The following PDE1C variants were observed in gnomAD, a reference collection of about 807,000 sequenced individuals.
The protein encoded by PDE1C is phosphodiesterase 1C.
A neutral mutation model predicts 93.1 loss-of-function variants in PDE1C; 62 were observed. The ratio of observed to expected loss-of-function variants is 0.67; its 90% CI spans 0.54 to 0.82. The LOEUF is 0.82. Ranked by LOEUF, PDE1C falls within the 40% of genes least tolerant of loss-of-function variation. The probability of loss-of-function intolerance (pLI) is 0.00; values close to 1 mark genes in which losing one functional copy is unlikely to be tolerated. For synonymous variants in PDE1C, 325 were observed against 310.1 expected (o/e 1.05, Z -0.50); for missense variants, 742 against 884.6 (o/e 0.84, Z 2.04).
intron 1 of PDE1C, among the ~76,000 whole-genome samples, chr7:32,246,641 T>C (rs978803948): frequency 1.3e-5 from 2 of 152,172 alleles, no homozygotes; most frequent in African/African-American, 4.8e-5. Flanking sequence ...AAAATATTTA[T>C]TGCAAGCAGG....
intron 3 of PDE1C, among the ~76,000 whole-genome samples, chr7:32,118,685 C>T (rs188651989): frequency 2.6e-4 from 40 of 152,232 alleles, no homozygotes; most frequent in African/African-American, 8.4e-4. Flanking sequence ...ATCTTTTTAT[C>T]AGGAGCCCAC....
At chr7:31,809,184 AGTTTTG>A in intron 15 of PDE1C, 76 bp from the exon 16 acceptor site, 4 of 800,152 alleles carry the variant, frequency 5.0e-6, no homozygotes, top group South Asian at 1.4e-5. Flanking sequence ...AAGTCTGCCA[AGTTTTG>A]AAAAAGTGCA....
chr7:32,206,090 A>C (rs913134409), intron 2 of PDE1C, among the ~76,000 whole-genome samples: 30 of 152,116 alleles, frequency 2.0e-4, no homozygotes, highest in African/African-American at 7.2e-4. Flanking sequence ...TACCTGCTCA[A>C]CGCGGCACAG....
chr7:31,710,844 T>C, the PDE1C span, among the ~76,000 whole-genome samples: 1 of 152,252 alleles, frequency 6.6e-6, no homozygotes, highest in Non-Finnish European at 1.5e-5. Flanking sequence ...TAATATATTA[T>C]GTCTGCAGAA....
At chr7:32,019,645 C>T (rs1788383753) in intron 2 of PDE1C, among the ~76,000 whole-genome samples, 1 of 152,026 alleles carries the variant, frequency 6.6e-6, no homozygotes, top group African/African-American at 2.4e-5. Flanking sequence ...TAGTTTGAAC[C>T]ATGCTATTAA....
intron 2 of PDE1C, among the ~76,000 whole-genome samples, chr7:31,969,207 C>A (rs1414037485): frequency 6.6e-6 from 1 of 152,002 alleles, no homozygotes; most frequent in Non-Finnish European, 1.5e-5. Flanking sequence ...AACAGGCAAC[C>A]TACAGAATGG....
intron 2 of PDE1C, among the ~76,000 whole-genome samples, chr7:31,975,429 T>C (rs1044161025): frequency 8.5e-5 from 13 of 152,176 alleles, no homozygotes; most frequent in African/African-American, 2.9e-4. Context: ...ATAAAGATAA[T>C]AAGCAAGAGT....
chr7:32,245,891 G>A (rs13242197), intron 1 of PDE1C, among the ~76,000 whole-genome samples: 15,948 of 151,828 alleles, frequency 0.11, 901 homozygotes, highest in East Asian at 0.13. Context: ...TACTTATCCA[G>A]TCAGCTCCCA....
At chr7:31,816,275 T>C (rs1788253559) in intron 14 of PDE1C, 121 bp from the exon 15 acceptor site, 2 of 881,326 alleles carry the variant, frequency 2.3e-6, no homozygotes, top group Non-Finnish European at 3.5e-6. Flanking sequence ...TTTGGGTACA[T>C]TTTTGCTTAA....
At chr7:32,341,245 G>A (rs569605451) in intron 1 of PDE1C, among the ~76,000 whole-genome samples, 3 of 124,698 alleles carry the variant, frequency 2.4e-5, no homozygotes, top group Non-Finnish European at 4.9e-5. Flanking sequence ...GCGCGATCTC[G>A]GCTCACTGCA....
At chr7:31,740,839 A>G in the PDE1C span, among the ~76,000 whole-genome samples, 4 of 152,050 alleles carry the variant, frequency 2.6e-5, no homozygotes, top group Non-Finnish European at 4.4e-5. Context: ...GAGGCTGAGG[A>G]AGAAGGATCA....
chr7:31,693,267 G>A, the PDE1C span, among the ~76,000 whole-genome samples: 1 of 152,146 alleles, frequency 6.6e-6, no homozygotes, highest in Non-Finnish European at 1.5e-5. Context: ...CAGAATCCTG[G>A]GGTTGAATTG....
At position 32,389,200 on chromosome 7, in the gene PDE1C, GTTTT is replaced by G. The variant is rs869228277; in HGVS notation, c.310+38618_310+38621del. Among the ~76,000 whole-genome samples the G allele has an allele frequency of 1.8e-4, 11 of 61,278 alleles. No homozygotes were observed. The South Asian group carries it at 2.3e-3, about 13-fold the overall frequency. 40.2% of individuals were successfully genotyped at this position (61,278 alleles called of 152,430 possible). A position where few individuals can be genotyped will look rare whatever the true frequency, so the allele number is the denominator to read the frequency against. On this transcript the variant is annotated intron_variant, in intron 1 of 1. Coordinates refer to the PDE1C transcript ENST00000672256. ...TGTGTGTGTGTGTGTGGTTTTTTTG[GTTTT>G]TGTTTGTTTGTTTGTTTGTTTGTTT...
chr7:32,099,047 T>G (rs1797916043), intron 3 of PDE1C, among the ~76,000 whole-genome samples: 1 of 152,150 alleles, frequency 6.6e-6, no homozygotes, highest in African/African-American at 2.4e-5. Context: ...ACATTAAAAA[T>G]AAATAATTTT....
intron 1 of PDE1C, among the ~76,000 whole-genome samples, chr7:32,360,220 T>C (rs887228328): frequency 1.3e-5 from 2 of 152,222 alleles, no homozygotes; most frequent in African/African-American, 4.8e-5. Context: ...GGGACATCTA[T>C]GCTTACCATG....
intron 16 of PDE1C, among the ~76,000 whole-genome samples, chr7:31,796,786 T>A (rs907296769): frequency 6.6e-6 from 1 of 151,750 alleles, no homozygotes; most frequent in East Asian, 1.9e-4. Context: ...GTAGCTCTTA[T>A]TGTTGGGTCA....
At chr7:31,666,621 A>G in the PDE1C span, among the ~76,000 whole-genome samples, 1 of 152,208 alleles carries the variant, frequency 6.6e-6, no homozygotes, top group Non-Finnish European at 1.5e-5. Context: ...TTATTGAGGT[A>G]TAAGTCACAT....
chr7:31,884,711 A>G lies in PDE1C; in HGVS notation c.129-3851T>C, dbSNP rs972850160. ...TTTATCCATTCCATTTGGAATATCC[A>G]GCCCTGCCCTGCCATATCCTACCTA... On this transcript the variant is annotated intron_variant, in intron 2 of 17. Coordinates refer to ENST00000396191, the MANE Select transcript of PDE1C (RefSeq NM_001191057.4). Among the ~76,000 whole-genome samples, 5 of 152,152 alleles carry G rather than the reference A, an allele frequency of 3.3e-5. No individual in the cohort carries two copies. In the East Asian group the frequency reaches 9.6e-4, roughly 29 times the overall value.
intron 2 of PDE1C, among the ~76,000 whole-genome samples, chr7:31,989,670 A>G (rs1376882275): frequency 2.6e-5 from 4 of 152,130 alleles, no homozygotes; most frequent in Non-Finnish European, 4.4e-5. Flanking sequence ...ATGAGACCCC[A>G]TAACGTCACT....
Sources: allele counts gnomAD v4.1 joint callset (sites outside exome capture counted in the v4.1 genomes callset), GRCh38; gene constraint gnomAD v4.1.1; transcripts MANE v1.5; gene names NCBI Gene and HGNC (gene_info 2026-07-23, HGNC 2026-07-21).